Variants in PCDHA12 observed in about 807,000 individuals in gnomAD.
PCDHA12 encodes protocadherin alpha 12, also known as protocadherin alpha-12.
Under a neutral mutation model 60.0 loss-of-function variants are expected in PCDHA12, and 44 were observed. The observed-to-expected ratio is 0.73, with a 90% confidence interval of 0.58 to 0.94. The LOEUF is 0.94. Ranked by LOEUF, PCDHA12 falls within the 40% of genes least tolerant of loss-of-function variation. PCDHA12 has a pLI of 0.00. For missense variants in PCDHA12, 1,276 were observed against 1,239.7 expected, an observed-to-expected ratio of 1.03 and a Z score of -0.44; for synonymous variants, 569 against 553.0, an observed-to-expected ratio of 1.03 and a Z score of -0.40.
At position 140,926,602 on chromosome 5, in the gene PCDHA12, C is replaced by T. The variant is rs1326525373; in HGVS notation, c.2367+48763C>T. 9 of 324,032 alleles carry T rather than the reference C, an allele frequency of 2.8e-5. No homozygotes were observed. The East Asian group carries it at 4.7e-4, about 17-fold the overall frequency. The allele number at this position is 324,032 out of a possible 1,614,324, so 20.1% of individuals were successfully genotyped here. On this transcript the variant is annotated intron_variant, in intron 1 of 3. Coordinates refer to ENST00000398631, the MANE Select transcript of PCDHA12 (RefSeq NM_018903.4). ...CCTCTCGCGCCCGGGCGGGCGGCCT[C>T]GTCTCTGCACCCCTAGGCGGCGCTG...
intron 1 of PCDHA12, among the ~76,000 whole-genome samples, chr5:140,946,113 G>T (rs1241993026): frequency 6.6e-6 from 1 of 151,816 alleles, no homozygotes; most frequent in Non-Finnish European, 1.5e-5. Context: ...AAATATATAA[G>T]GAACTCAAAC....
intron 1 of PCDHA12, among the ~76,000 whole-genome samples, chr5:140,954,197 G>T (rs2153701837): frequency 6.6e-6 from 1 of 152,270 alleles, no homozygotes; most frequent in Non-Finnish European, 1.5e-5. Context: ...ATGGGCATTT[G>T]GGTTGATCCC....
At chr5:141,003,609 G>A (rs2098131688) in intron 3 of PCDHA12, among the ~76,000 whole-genome samples, 1 of 151,970 alleles carries the variant, frequency 6.6e-6, no homozygotes, top group Non-Finnish European at 1.5e-5. Context: ...CACCATTCCC[G>A]GCCCCAGAGG....
intron 3 of PCDHA12, among the ~76,000 whole-genome samples, chr5:140,991,593 C>T (rs2097461164): frequency 6.6e-6 from 1 of 152,196 alleles, no homozygotes; most frequent in South Asian, 2.1e-4. Flanking sequence ...TCTACCTGAG[C>T]CCTCACTGGC....
chr5:140,971,580 T>C (rs1028418438), intron 1 of PCDHA12, among the ~76,000 whole-genome samples: 9 of 152,154 alleles, frequency 5.9e-5, no homozygotes, highest in African/African-American at 2.2e-4. Context: ...TTTCTTTTTT[T>C]CCTACCTAGT....
intron 1 of PCDHA12, chr5:140,882,537 T>C (rs1582624652): frequency 6.2e-7 from 1 of 1,614,176 alleles, no homozygotes; most frequent in East Asian, 2.2e-5. Context: ...AATTCTCGGA[T>C]CGACCGCGAG....
At chr5:140,931,460 G>GA (rs3836748) in intron 1 of PCDHA12, among the ~76,000 whole-genome samples, 48,962 of 151,596 alleles carry the variant, frequency 0.32, 8,170 homozygotes, top group East Asian at 0.53. Flanking sequence ...AAAAATATAG[G>GA]AATGACAGAG....
At chr5:141,008,923 C>T (rs2098394604) in intron 3 of PCDHA12, among the ~76,000 whole-genome samples, 1 of 152,160 alleles carries the variant, frequency 6.6e-6, no homozygotes. Flanking sequence ...ATTTATTCAG[C>T]TAATTTTTCT....
At chr5:140,975,543 T>C (rs1276340507) in intron 1 of PCDHA12, among the ~76,000 whole-genome samples, 2 of 152,206 alleles carry the variant, frequency 1.3e-5, no homozygotes, top group African/African-American at 4.8e-5. Context: ...AATACAGTCC[T>C]ATTAGGAAGG....
rs782120132 is a variant in PCDHA12, at chr5:140,884,464, C to T, written c.2367+6625C>T. On this transcript the variant is annotated intron_variant, in intron 1 of 3. Coordinates refer to ENST00000398631, the MANE Select transcript of PCDHA12 (RefSeq NM_018903.4). ...CGGCACCGCCCACCGAGGGCGCGTG[C>T]GCGCCGGGCAAGCCCACTCTAGTGT... 51 of 1,613,768 alleles carry T rather than the reference C, an allele frequency of 3.2e-5. 1 individual carries two copies. In the East Asian group the frequency reaches 9.6e-4, roughly 30 times the overall value.
intron 3 of PCDHA12, among the ~76,000 whole-genome samples, chr5:140,992,926 A>C (rs2097533873): frequency 6.6e-6 from 1 of 152,226 alleles, no homozygotes; most frequent in African/African-American, 2.4e-5. Context: ...CCATACTTAC[A>C]GCAGCTCTGA....
chr5:140,955,914 G>A (rs1293205418), intron 1 of PCDHA12, among the ~76,000 whole-genome samples: 1 of 152,140 alleles, frequency 6.6e-6, no homozygotes, highest in East Asian at 1.9e-4. Context: ...TAGCAATTGT[G>A]AATGGGAGTT....
At chr5:140,892,885 ACCAACCTTTCC>A (rs1269753589) in intron 1 of PCDHA12, among the ~76,000 whole-genome samples, 1 of 152,154 alleles carries the variant, frequency 6.6e-6, no homozygotes, top group Non-Finnish European at 1.5e-5. Flanking sequence ...GTATCCATTA[ACCAACCTTTCC>A]CCATCCTCCT....
At chr5:140,949,360 T>G (rs1178484553) in intron 1 of PCDHA12, among the ~76,000 whole-genome samples, 1 of 151,868 alleles carries the variant, frequency 6.6e-6, no homozygotes, top group South Asian at 2.1e-4. Context: ...TTTATTTTTT[T>G]GTCTAGTTGT....
intron 1 of PCDHA12, among the ~76,000 whole-genome samples, chr5:140,962,051 T>C (rs1352018533): frequency 2.0e-5 from 3 of 151,838 alleles, no homozygotes; most frequent in Admixed American, 6.6e-5. Context: ...GCCTGGCTAA[T>C]TTTTTTGTAT....
intron 1 of PCDHA12, among the ~76,000 whole-genome samples, chr5:140,889,098 T>C (rs1252119447): frequency 6.6e-6 from 1 of 152,012 alleles, no homozygotes; most frequent in African/African-American, 2.4e-5. Flanking sequence ...AACAATTTTT[T>C]CATCTTTATT....
chr5:140,926,034 G>A (rs782564671), intron 1 of PCDHA12, among the ~76,000 whole-genome samples: 1 of 152,158 alleles, frequency 6.6e-6, no homozygotes, highest in Non-Finnish European at 1.5e-5. Context: ...GTTTGATGCG[G>A]ACACTATTCC....
At chr5:140,967,029 G>C (rs1554229079) in intron 1 of PCDHA12, 4 of 1,608,938 alleles carry the variant, frequency 2.5e-6, no homozygotes, top group East Asian at 2.2e-5. Flanking sequence ...CCCAGTCCGC[G>C]CTACCTGGAG....
chr5:140,938,679 T>C (rs574212689), intron 1 of PCDHA12, among the ~76,000 whole-genome samples: 1 of 152,302 alleles, frequency 6.6e-6, no homozygotes, highest in South Asian at 2.1e-4. Flanking sequence ...CCTAACATTT[T>C]CTTTACAGTT....
Sources: gnomAD v4.1 joint callset for allele counts (sites outside exome capture counted in the v4.1 genomes callset) on GRCh38, gnomAD v4.1.1 for gene constraint, MANE v1.5 for transcripts, NCBI Gene and HGNC (gene_info 2026-07-23, HGNC 2026-07-21) for gene names.